The following DOCK2 variants were observed in gnomAD, a reference collection of about 807,000 sequenced individuals.
DOCK2 encodes dedicator of cytokinesis 2, also known as dedicator of cytokinesis protein 2.
DOCK2 carries 87 observed loss-of-function variants against 248.9 expected under a neutral mutation model. That is an observed-to-expected ratio of 0.35 (90% confidence interval 0.29 to 0.42). DOCK2 has a LOEUF of 0.42. DOCK2 is among the 10% of genes least tolerant of loss of function. DOCK2 has a pLI of 1.00. For synonymous variants in DOCK2, 805 were observed against 821.6 expected (o/e 0.98, Z 0.35); for missense variants, 1,747 against 2,300.2 (o/e 0.76, Z 4.92).
chr5:169,867,231 C>T (rs1771621593), intron 27 of DOCK2, among the ~76,000 whole-genome samples: 1 of 152,206 alleles, frequency 6.6e-6, no homozygotes, highest in Non-Finnish European at 1.5e-5. Flanking sequence ...AGTCTCTTGA[C>T]CCACAATCAG....
chr5:170,039,007 A>C (rs1039301417), intron 36 of DOCK2, among the ~76,000 whole-genome samples: 3 of 152,218 alleles, frequency 2.0e-5, no homozygotes, highest in African/African-American at 7.2e-5. Context: ...GTTAACTCCG[A>C]TTGGCAGAAC....
chr5:169,774,294 G>A (rs1765257388), intron 25 of DOCK2, among the ~76,000 whole-genome samples: 2 of 152,138 alleles, frequency 1.3e-5, no homozygotes, highest in South Asian at 4.1e-4. Flanking sequence ...GTAATGTATG[G>A]CCACCACTTA....
At chr5:169,986,854 G>A (rs1778081667) in intron 29 of DOCK2, among the ~76,000 whole-genome samples, 1 of 152,050 alleles carries the variant, frequency 6.6e-6, no homozygotes, top group South Asian at 2.1e-4. Context: ...TATTGTTCTT[G>A]TTTTATATCA....
chr5:169,999,188 A>G lies in DOCK2; in HGVS notation c.3072+3024A>G, dbSNP rs113772984. 2.3e-3 allele frequency among the ~76,000 whole-genome samples: 351 copies of G among 152,306 alleles called. 1 individual carries two copies. The highest frequency in any genetic ancestry group is 3.4e-3 in the Middle Eastern group (1 of 294). On this transcript the variant is annotated intron_variant, in intron 30 of 51. Coordinates refer to ENST00000520908, the MANE Select transcript of DOCK2 (RefSeq NM_004946.3). The stretch of plus-strand genomic sequence containing the variant: ...CCTGTTTTCCTGAAAGAAAATCTGT[A>G]TTTGAGAGATGCTCAGAGATTGAGG...
chr5:169,696,540 G>A (rs371783006), intron 10 of DOCK2, among the ~76,000 whole-genome samples: 28 of 152,168 alleles, frequency 1.8e-4, no homozygotes, highest in African/African-American at 5.1e-4. Context: ...ACCAAATATA[G>A]TTTCTTTTAA....
chr5:169,655,917 G>A (rs1340842548), intron 2 of DOCK2, among the ~76,000 whole-genome samples: 1 of 152,138 alleles, frequency 6.6e-6, no homozygotes, highest in Admixed American at 6.5e-5. Flanking sequence ...TTTACTTGGG[G>A]TTGTAGATGA....
intron 29 of DOCK2, 130 bp from the exon 30 acceptor site, chr5:169,995,956 C>A: frequency 1.2e-6 from 1 of 838,520 alleles, no homozygotes; most frequent in Non-Finnish European, 1.8e-6. Context: ...ATTAGCTGAC[C>A]TCTCTAAATC....
Position 170,014,190 on chromosome 5 carries a change from G to A in DOCK2, c.3233-4770G>A, listed in dbSNP as rs139000510. 6.3e-4 allele frequency among the ~76,000 whole-genome samples: 96 copies of A among 152,128 alleles called. No individual in the cohort carries two copies. In the East Asian group the frequency reaches 0.016, roughly 25 times the overall value. ...GGCTGCTGGGAATAAATAGGAAATG[G>A]GATTAGAGTGGCCATCCGTCTATTT... On this transcript the variant is annotated intron_variant, in intron 32 of 51. Transcript: ENST00000520908.
intron 33 of DOCK2, among the ~76,000 whole-genome samples, chr5:170,021,770 C>T (rs960359061): frequency 4.6e-5 from 7 of 152,220 alleles, no homozygotes; most frequent in Admixed American, 2.0e-4. Context: ...CTCGGGGATA[C>T]GCCGGCCCAG....
At chr5:170,058,841 T>C (rs1182810962) in intron 44 of DOCK2, among the ~76,000 whole-genome samples, 1 of 152,190 alleles carries the variant, frequency 6.6e-6, no homozygotes, top group Non-Finnish European at 1.5e-5. Context: ...GCCCCTCTCT[T>C]TTCAGCGAAC....
intron 19 of DOCK2, among the ~76,000 whole-genome samples, chr5:169,714,803 T>C (rs1408077719): frequency 2.0e-5 from 3 of 152,146 alleles, no homozygotes; most frequent in Non-Finnish European, 1.5e-5. Flanking sequence ...GGTGATAATA[T>C]TTAAAACTTA....
chr5:169,712,015 C>G lies in DOCK2; in HGVS notation c.1555+8C>G. 6.2e-7 allele frequency: 1 copy of G among 1,614,080 alleles called. No homozygotes were observed. The highest frequency in any genetic ancestry group is 1.7e-5 in the Admixed American group (1 of 60,022). ...ATCGGTCATCTCTGGAATGTGAGTA[C>G]CATACTGAATGGCATCTCTGCACCT... On this transcript the variant is annotated splice_region_variant and intron_variant, in intron 16 of 51. Transcript: ENST00000520908.
chr5:169,973,480 C>G (rs1367633479), intron 27 of DOCK2, among the ~76,000 whole-genome samples: 1 of 152,182 alleles, frequency 6.6e-6, no homozygotes. Context: ...TTCATCCTCA[C>G]TACAGTCCTA....
intron 2 of DOCK2, 127 bp downstream of exon 2, chr5:169,654,613 G>T (rs993418598): frequency 3.5e-6 from 3 of 856,712 alleles, no homozygotes; most frequent in African/African-American, 1.7e-5. Context: ...TTTTGGTAAC[G>T]CTAGTAATTA....
At chr5:169,793,230 A>G (rs1396345930) in intron 25 of DOCK2, among the ~76,000 whole-genome samples, 6 of 152,210 alleles carry the variant, frequency 3.9e-5, no homozygotes, top group African/African-American at 1.2e-4. Flanking sequence ...TATGTAGCAC[A>G]TCTAATCCAT....
intron 8 of DOCK2, among the ~76,000 whole-genome samples, chr5:169,685,001 A>G (rs1759883085): frequency 6.6e-6 from 1 of 152,206 alleles, no homozygotes; most frequent in Non-Finnish European, 1.5e-5. Context: ...AATCCTCTGT[A>G]GCAGCAATAG....
chr5:169,848,096 C>T (rs1770419222), intron 27 of DOCK2, among the ~76,000 whole-genome samples: 1 of 152,132 alleles, frequency 6.6e-6, no homozygotes, highest in African/African-American at 2.4e-5. Flanking sequence ...TTTATGTGCC[C>T]ATAAGAAAGA....
intron 34 of DOCK2, among the ~76,000 whole-genome samples, chr5:170,032,646 A>C (rs1404619958): frequency 1.3e-5 from 2 of 152,228 alleles, no homozygotes; most frequent in African/African-American, 4.8e-5. Flanking sequence ...GGAGGCATGC[A>C]CAGCTGTGGC....
intron 3 of DOCK2, among the ~76,000 whole-genome samples, chr5:169,670,059 A>G (rs1207026871): frequency 6.6e-6 from 1 of 152,194 alleles, no homozygotes; most frequent in East Asian, 1.9e-4. Context: ...ACTAGCCCAA[A>G]TGCACCTAGG....
Sources: gnomAD v4.1 joint callset for allele counts (sites outside exome capture counted in the v4.1 genomes callset) on GRCh38, gnomAD v4.1.1 for gene constraint, MANE v1.5 for transcripts, NCBI Gene and HGNC (gene_info 2026-07-23, HGNC 2026-07-21) for gene names.